Variants in SMG6 observed in about 807,000 individuals in gnomAD.
SMG6 encodes the protein telomerase-binding protein EST1A.
A neutral mutation model predicts 142.2 loss-of-function variants in SMG6; 66 were observed. That is an observed-to-expected ratio of 0.46 (90% CI 0.38 to 0.57). SMG6 has a LOEUF of 0.57. SMG6 is among the 20% of genes least tolerant of loss of function. The pLI is 0.00. For missense variants in SMG6, 1,793 were observed against 1,832.0 expected, an observed-to-expected ratio of 0.98 and a Z score of 0.39; for synonymous variants, 779 against 702.4, an observed-to-expected ratio of 1.11 and a Z score of -1.72.
rs998832463 is a variant in SMG6, at chr17:2,215,229, G to A, written c.2869+21263C>T. 7.2e-5 allele frequency among the ~76,000 whole-genome samples: 11 copies of A among 151,988 alleles called. No homozygotes were observed. The East Asian group carries it at 1.5e-3, about 21-fold the overall frequency. ...ACATTATAAACACACACACACGCGC[G>A]CGCACACACACACACAGACCTATAA... On this transcript the variant is annotated intron_variant, in intron 10 of 18. Coordinates refer to ENST00000263073, the MANE Select transcript of SMG6 (RefSeq NM_017575.5).
chr17:2,143,506 A>T (rs1567633040), intron 13 of SMG6, among the ~76,000 whole-genome samples: 2 of 152,228 alleles, frequency 1.3e-5, no homozygotes, highest in African/African-American at 4.8e-5. Context: ...GATCCCATTC[A>T]TATGAAAGAA....
At chr17:2,208,791 C>T (rs954385703) in intron 10 of SMG6, among the ~76,000 whole-genome samples, 6 of 152,220 alleles carry the variant, frequency 3.9e-5, no homozygotes, top group African/African-American at 1.4e-4. Flanking sequence ...ATGAAACTCA[C>T]TGTTGATATA....
intron 8 of SMG6, chr17:2,266,141 A>T (rs1010609632): frequency 5.1e-6 from 5 of 985,206 alleles, no homozygotes; most frequent in Admixed American, 6.2e-5. Flanking sequence ...TGCTGTTAAC[A>T]TCTTCTAAAA....
In SMG6 at chr17:2,191,351, G is replaced by A. The variant is rs572505834; in HGVS notation, c.2870-2836C>T. The stretch of plus-strand genomic sequence containing the variant: ...TAGATTCCCAGAGTCCACCCACTTT[G>A]GGGCTAGATCTAGGAAACTGGCCCT... On this transcript the variant is annotated intron_variant, in intron 10 of 18. Coordinates refer to ENST00000263073, the MANE Select transcript of SMG6 (RefSeq NM_017575.5). Among the ~76,000 whole-genome samples, 16 of 152,260 alleles carry A rather than the reference G, an allele frequency of 1.1e-4. No homozygotes were observed. In the South Asian group the frequency reaches 1.2e-3, roughly 12 times the overall value.
intron 8 of SMG6, among the ~76,000 whole-genome samples, chr17:2,276,461 T>G: frequency 6.6e-6 from 1 of 151,940 alleles, no homozygotes; most frequent in East Asian, 1.9e-4. Context: ...CTTGGCTCAC[T>G]ACAACTTCCA....
intron 12 of SMG6, chr17:2,173,259 G>C (rs2071560391): frequency 4.3e-6 from 1 of 232,046 alleles, no homozygotes. Context: ...ATGCCACACA[G>C]ACAGCAACTG....
chr17:2,237,511 A>T, intron 9 of SMG6: 1 of 985,504 alleles, frequency 1.0e-6, no homozygotes, highest in Non-Finnish European at 1.2e-6. Context: ...GCCCCCAGTC[A>T]TCTGTCTCAG....
intron 13 of SMG6, among the ~76,000 whole-genome samples, chr17:2,127,090 A>G (rs1440754204): frequency 6.7e-6 from 1 of 149,748 alleles, no homozygotes; most frequent in Non-Finnish European, 1.5e-5. Context: ...AGTGAGCCGT[A>G]ATGGTGACAC....
At chr17:2,087,542 G>A in intron 13 of SMG6, 1 of 1,026,488 alleles carries the variant, frequency 9.7e-7, no homozygotes, top group African/African-American at 1.7e-5. Context: ...GGTTGATGTA[G>A]AAGGTTCTCG....
intron 12 of SMG6, among the ~76,000 whole-genome samples, chr17:2,173,514 T>A (rs936927782): frequency 1.1e-4 from 17 of 152,068 alleles, no homozygotes; most frequent in Non-Finnish European, 1.8e-4. Flanking sequence ...ATTCCACACC[T>A]CTCCTTTCTC....
chr17:2,060,454 G>GT lies in SMG6; in HGVS notation c.*1037dup, dbSNP rs1488790130. ...GTTTCTCCCAGCACAGGAGCCGAGG[G>GT]TGGAAGGCCCTGGGTGGGAGACCTG... On this transcript the variant is annotated 3_prime_UTR_variant, in exon 19 of 19. Transcript: ENST00000263073. 6.6e-6 allele frequency: 1 copy of GT among 152,308 alleles called. No individual in the cohort carries two copies. The highest frequency in any genetic ancestry group is 2.4e-5 in the African/African-American group (1 of 41,464). The allele number at this position is 152,308 out of a possible 1,614,324, so 9.4% of individuals were successfully genotyped here.
At chr17:2,157,703 G>C (rs971051947) in intron 13 of SMG6, among the ~76,000 whole-genome samples, 3 of 152,150 alleles carry the variant, frequency 2.0e-5, no homozygotes, top group African/African-American at 4.8e-5. Flanking sequence ...TTGTAGTAAA[G>C]TCTGCAAATG....
chr17:2,076,641 G>A (rs570907319), intron 15 of SMG6, among the ~76,000 whole-genome samples: 1 of 152,260 alleles, frequency 6.6e-6, no homozygotes, highest in Admixed American at 6.5e-5. Flanking sequence ...TCTGGCTTAC[G>A]TTCAAGGCTG....
In SMG6 at chr17:2,283,715, G is replaced by A; in HGVS notation, c.2358C>T (p.Val786=). ...AVYTRRKLDA[V]YYYMRSLAAS... The stretch of plus-strand genomic sequence containing the variant: ...CAGCTAAACTGCGCATATAGTAATA[G>A]ACAGCGTCAAGCTTCCTCCTCTGTG... The change falls in exon 7 of 19, where the codon GTC becomes GTT. Residue 786 remains valine (V), a synonymous_variant. Coordinates refer to ENST00000263073, the MANE Select transcript of SMG6 (RefSeq NM_017575.5). 1 of 1,613,986 alleles carries A rather than the reference G, an allele frequency of 6.2e-7. No homozygotes were observed. Among genetic ancestry groups the A allele is most frequent in the Non-Finnish European group, 8.5e-7 (1 of 1,179,938 alleles).
intron 8 of SMG6, among the ~76,000 whole-genome samples, chr17:2,249,318 C>CAA (rs1195981386): frequency 2.0e-5 from 3 of 152,082 alleles, no homozygotes; most frequent in African/African-American, 7.2e-5. Context: ...ATCTTAGAGA[C>CAA]AGTGTCTCAC....
chr17:2,071,740 C>T lies in SMG6; in HGVS notation c.3682-2809G>A, dbSNP rs555602185. ...CCTGGGGTACCGGTGGGCCTCTGGG[C>T]GGGGGGGGTCACACCTGGGTCACAA... On this transcript the variant is annotated intron_variant, in intron 15 of 18. Transcript: ENST00000263073. The surrounding 1 kb of genome is among the most constrained non-coding windows in gnomAD (Gnocchi z 5.6). 2.5e-3 allele frequency among the ~76,000 whole-genome samples: 381 copies of T among 151,722 alleles called. No individual in the cohort carries two copies. The highest frequency in any genetic ancestry group is 8.5e-3 in the African/African-American group (353 of 41,394).
intron 10 of SMG6, among the ~76,000 whole-genome samples, chr17:2,221,892 C>G (rs189720440): frequency 7.3e-4 from 111 of 152,282 alleles, no homozygotes; most frequent in Admixed American, 2.6e-3. Context: ...TACTACCATG[C>G]CTGGCTAATT....
intron 8 of SMG6, among the ~76,000 whole-genome samples, chr17:2,248,546 T>C (rs2073972800): frequency 6.6e-6 from 1 of 152,310 alleles, no homozygotes; most frequent in Admixed American, 6.5e-5. Flanking sequence ...TACTTGCCAC[T>C]ACCGTATTTT....
chr17:2,191,166 C>T (rs905482643), intron 10 of SMG6, among the ~76,000 whole-genome samples: 5 of 152,226 alleles, frequency 3.3e-5, no homozygotes, highest in East Asian at 3.8e-4. Flanking sequence ...CAAGTATCCA[C>T]GGCAACTTGG....
Sources: allele counts gnomAD v4.1 joint callset (sites outside exome capture counted in the v4.1 genomes callset), GRCh38; gene constraint gnomAD v4.1.1; non-coding constraint Gnocchi (gnomAD v3.1); transcripts MANE v1.5; gene names NCBI Gene and HGNC (gene_info 2026-07-23, HGNC 2026-07-21).